The following DSCAML1 variants were observed in gnomAD, a reference collection of about 807,000 sequenced individuals.
DSCAML1 encodes DS cell adhesion molecule like 1.
A neutral mutation model predicts 200.5 loss-of-function variants in DSCAML1; 38 were observed. The ratio of observed to expected loss-of-function variants is 0.19; its 90% confidence interval spans 0.15 to 0.25. The LOEUF (loss-of-function observed/expected upper bound fraction) is 0.25. Ranked by LOEUF, DSCAML1 falls within the 10% of genes least tolerant of loss-of-function variation. DSCAML1 has a pLI of 1.00. For missense variants in DSCAML1, 2,223 were observed against 2,858.8 expected (o/e 0.78, Z 5.07); for synonymous variants, 1,215 against 1,165.0 (o/e 1.04, Z -0.87).
rs138045320 is a variant in DSCAML1 at position 117,512,864 on chromosome 11, C to T, written c.1783+3603G>A. 3.3e-3 allele frequency among the ~76,000 whole-genome samples: 494 copies of T among 151,996 alleles called. 1 individual carries two copies. Among genetic ancestry groups the T allele is most frequent in the Admixed American group, 4.7e-3 (71 of 15,254 alleles). On this transcript the variant is annotated intron_variant, in intron 8 of 32. Transcript: ENST00000651296. ...GCTGCAGAGACACTGTCGCTCAGCA[C>T]CATCACAACAGGCCCAGCGAGTCGC...
Position 117,516,742 on chromosome 11 carries a change from G to A in DSCAML1, c.1511-3C>T. 10 of 1,610,820 alleles carry A rather than the reference G, an allele frequency of 6.2e-6. No individual in the cohort carries two copies. The highest frequency in any genetic ancestry group is 7.6e-6 in the Non-Finnish European group (9 of 1,178,130). On this transcript the variant is annotated splice_polypyrimidine_tract_variant and splice_region_variant and intron_variant, in intron 7 of 32. Transcript: ENST00000651296. This position sits in a 1 kb window ranked among gnomAD's most constrained non-coding sequence, Gnocchi z 5.7. ...CATAGCCCGGATGCTGGGTGGGCCT[G>A]GGCAGGAGTCAGAAGAGAGGAGGAG...
intron 3 of DSCAML1, among the ~76,000 whole-genome samples, chr11:117,557,092 G>C (rs1398621015): frequency 6.6e-6 from 1 of 152,124 alleles, no homozygotes; most frequent in Non-Finnish European, 1.5e-5. Flanking sequence ...GCCATAAAGG[G>C]ATTCTTCTGA....
intron 26 of DSCAML1, 50 bp from the exon 27 acceptor site, chr11:117,435,849 T>C (rs750820350): frequency 2.1e-5 from 33 of 1,561,082 alleles, no homozygotes; most frequent in Non-Finnish European, 2.8e-5. Context: ...AGCCAGGTGC[T>C]GTGCAGAACA....
chr11:117,556,785 G>A (rs751904730), intron 3 of DSCAML1, among the ~76,000 whole-genome samples: 1 of 152,182 alleles, frequency 6.6e-6, no homozygotes, highest in Non-Finnish European at 1.5e-5. Flanking sequence ...CTTGTCCAGT[G>A]GGACTTCAAG....
At chr11:117,624,016 AC>A (rs1010631218) in intron 3 of DSCAML1, among the ~76,000 whole-genome samples, 1 of 152,238 alleles carries the variant, frequency 6.6e-6, no homozygotes, top group African/African-American at 2.4e-5. Flanking sequence ...AATAATGGGC[AC>A]CCAGGTACCA....
At position 117,433,240 on chromosome 11, in the gene DSCAML1, A is replaced by G. The variant is rs1462578609; in HGVS notation, c.4924T>C (p.Phe1642Leu). 5.6e-6 allele frequency: 9 copies of G among 1,611,844 alleles called. No homozygotes were observed. Among genetic ancestry groups the G allele is most frequent in the African/African-American group, 1.3e-5 (1 of 74,748 alleles). ...GGTGGCCCTTTCACAGGGGTGTCAA[A>G]GCTTCTATTGTTCTTGCTGTGGGGA... ...EMLISKNNRS[F>L]DTPVKGPPQG... The change falls in exon 29 of 33, where the codon TTT becomes CTT. Residue 1642 changes from phenylalanine (F) to leucine (L), a missense_variant. Phe to Leu is a conservative substitution (Grantham distance 22). Transcript: ENST00000651296.
chr11:117,429,038 G>T (rs890085223), intron 32 of DSCAML1, among the ~76,000 whole-genome samples: 3 of 152,198 alleles, frequency 2.0e-5, no homozygotes, highest in Non-Finnish European at 4.4e-5. Flanking sequence ...ATTGTGAGGA[G>T]CGAATGAGGT....
At chr11:117,730,280 T>C (rs1301230807) in intron 3 of DSCAML1, among the ~76,000 whole-genome samples, 1 of 152,046 alleles carries the variant, frequency 6.6e-6, no homozygotes, top group Non-Finnish European at 1.5e-5. Flanking sequence ...AGTGATACAA[T>C]TGCTAGCTTT....
Position 117,463,658 on chromosome 11 carries a change from A to G in DSCAML1, c.3265+1284T>C, listed in dbSNP as rs1479658766. ...CAGCATCTCAGGGTGGGAGGGATGG[A>G]GAGGGATAGCGAGGGCCATGGGCTG... On this transcript the variant is annotated intron_variant, in intron 17 of 32. Transcript: ENST00000651296. This position sits in a 1 kb window ranked among gnomAD's most constrained non-coding sequence, Gnocchi z 4.0. 6.6e-6 allele frequency among the ~76,000 whole-genome samples: 1 copy of G among 152,144 alleles called. No individual in the cohort carries two copies. The highest frequency in any genetic ancestry group is 1.5e-5 in the Non-Finnish European group (1 of 68,014).
At chr11:117,577,206 G>A (rs1454764327) in intron 3 of DSCAML1, among the ~76,000 whole-genome samples, 1 of 152,100 alleles carries the variant, frequency 6.6e-6, no homozygotes, top group East Asian at 1.9e-4. Flanking sequence ...TCAGATCCCT[G>A]TCCATGGCCT....
chr11:117,464,868 C>CA, intron 17 of DSCAML1, 74 bp downstream of exon 17: 1 of 1,570,592 alleles, frequency 6.4e-7, no homozygotes, highest in Non-Finnish European at 8.6e-7. Context: ...GAGGGACCCA[C>CA]AAACCCTCTC....
At chr11:117,577,168 C>T (rs1380021013) in intron 3 of DSCAML1, among the ~76,000 whole-genome samples, 4 of 152,118 alleles carry the variant, frequency 2.6e-5, no homozygotes, top group Admixed American at 2.6e-4. Flanking sequence ...TGGTCTCTGG[C>T]CCAGGGGCTG....
At position 117,721,678 on chromosome 11, in the gene DSCAML1, T is replaced by C. The variant is rs2054043191; in HGVS notation, c.511+55113A>G. Among the ~76,000 whole-genome samples the C allele has an allele frequency of 8.8e-5, 13 of 147,762 alleles. No individual in the cohort carries two copies. In the South Asian group the frequency reaches 2.7e-3, roughly 31 times the overall value. ...TAAATATATGTAATATATAAATATA[T>C]AAGCATATATTTATATATAAAAATG... On this transcript the variant is annotated intron_variant, in intron 3 of 32. Transcript: ENST00000651296.
intron 3 of DSCAML1, among the ~76,000 whole-genome samples, chr11:117,711,690 T>C (rs2053852005): frequency 6.6e-6 from 1 of 152,112 alleles, no homozygotes; most frequent in South Asian, 2.1e-4. Flanking sequence ...CTGCCGGTCC[T>C]TTTTTTTCCT....
chr11:117,776,568 A>T (rs2055131898), intron 3 of DSCAML1, among the ~76,000 whole-genome samples: 1 of 151,970 alleles, frequency 6.6e-6, no homozygotes, highest in Admixed American at 6.5e-5. Flanking sequence ...CCCAGTCAAG[A>T]CCACCAGTGT....
intron 8 of DSCAML1, among the ~76,000 whole-genome samples, chr11:117,511,533 T>A (rs2049617501): frequency 6.6e-6 from 1 of 152,192 alleles, no homozygotes; most frequent in Admixed American, 6.5e-5. Flanking sequence ...GCTCTCCTCT[T>A]AGCATCCTGC....
chr11:117,433,206 G>A lies in DSCAML1; in HGVS notation c.4958C>T (p.Pro1653Leu). Reference protein sequence around the residue: ...DTPVKGPPQGPRLHIDIPRVQ... With the variant: ...DTPVKGPPQGLRLHIDIPRVQ... Reference sequence around the variant, plus strand: ...CCTGGGGATGTCAATGTGTAGCCGTGGGCCCTGGGGTGGCCCTTTCACAGG... The same window carrying A: ...CCTGGGGATGTCAATGTGTAGCCGTAGGCCCTGGGGTGGCCCTTTCACAGG... Residue 1653 changes from proline to leucine, a missense_variant, in exon 29 of 33, where the codon CCA becomes CTA. Coordinates refer to ENST00000651296, the MANE Select transcript of DSCAML1 (RefSeq NM_020693.4). 1.2e-6 allele frequency: 2 copies of A among 1,613,900 alleles called. No individual in the cohort carries two copies. Among genetic ancestry groups the A allele is most frequent in the Non-Finnish European group, 1.7e-6 (2 of 1,179,884 alleles).
chr11:117,428,907 G>C (rs2047725128), intron 32 of DSCAML1, 104 bp from the exon 33 acceptor site: 2 of 1,172,284 alleles, frequency 1.7e-6, no homozygotes, highest in Non-Finnish European at 2.4e-6. Flanking sequence ...TCTCTGATTT[G>C]GCATAGGGGC....
intron 3 of DSCAML1, among the ~76,000 whole-genome samples, chr11:117,602,456 G>A (rs2051483537): frequency 6.6e-6 from 1 of 152,120 alleles, no homozygotes; most frequent in East Asian, 1.9e-4. Context: ...CGCCTCCTAG[G>A]TTCAAGCAAT....
Sources: allele counts gnomAD v4.1 joint callset (sites outside exome capture counted in the v4.1 genomes callset), GRCh38; gene constraint gnomAD v4.1.1; non-coding constraint Gnocchi (gnomAD v3.1); transcripts MANE v1.5; gene names NCBI Gene and HGNC (gene_info 2026-07-23, HGNC 2026-07-21).